The following CNTN4 variants were observed in gnomAD, a reference collection of about 807,000 sequenced individuals.
The protein encoded by CNTN4 is contactin-4.
A neutral mutation model predicts 122.5 loss-of-function variants in CNTN4; 77 were observed. The observed-to-expected ratio is 0.63, with a 90% CI of 0.52 to 0.76. The LOEUF (loss-of-function observed/expected upper bound fraction) is 0.76. Among genes scored for constraint, CNTN4 ranks in the 30% least tolerant of loss-of-function variants. The probability of loss-of-function intolerance (pLI) is 0.00; values close to 1 mark genes in which losing one functional copy is unlikely to be tolerated. For synonymous variants in CNTN4, 512 were observed against 447.0 expected, an observed-to-expected ratio of 1.15 and a Z score of -1.83; for missense variants, 1,256 against 1,259.1, an observed-to-expected ratio of 1.00 and a Z score of 0.04.
chr3:2,452,048 A>G (rs907812252), intron 3 of CNTN4, among the ~76,000 whole-genome samples: 1 of 152,200 alleles, frequency 6.6e-6, no homozygotes, highest in Non-Finnish European at 1.5e-5. Context: ...CCTGCAAATC[A>G]GGTACATGCC....
At chr3:2,620,758 G>A (rs1471987308) in intron 4 of CNTN4, among the ~76,000 whole-genome samples, 2 of 152,202 alleles carry the variant, frequency 1.3e-5, no homozygotes, top group East Asian at 3.9e-4. Context: ...ACAGAAATAT[G>A]CACATCCCTG....
chr3:2,562,032 A>G (rs2078977806), intron 3 of CNTN4, among the ~76,000 whole-genome samples: 1 of 152,132 alleles, frequency 6.6e-6, no homozygotes, highest in African/African-American at 2.4e-5. Flanking sequence ...TTGTAATAAG[A>G]CTGTAATAAC....
chr3:2,491,088 A>G (rs2076304008), intron 3 of CNTN4, among the ~76,000 whole-genome samples: 1 of 152,206 alleles, frequency 6.6e-6, no homozygotes, highest in Admixed American at 6.5e-5. Context: ...TTCAGAGCCT[A>G]AATCAATCTG....
intron 2 of CNTN4, among the ~76,000 whole-genome samples, chr3:2,324,273 A>G (rs2043373144): frequency 1.4e-5 from 1 of 69,158 alleles, no homozygotes; most frequent in African/African-American, 4.1e-5. Flanking sequence ...GAAGAATGAT[A>G]GAAGAAATAA....
intron 2 of CNTN4, among the ~76,000 whole-genome samples, chr3:2,164,205 CAAAG>C (rs983366341): frequency 2.0e-4 from 30 of 151,200 alleles, no homozygotes; most frequent in African/African-American, 6.6e-4. Context: ...AAAATTAAAA[CAAAG>C]AAGAAAGAGA....
chr3:2,921,118 G>C (rs925347444), intron 12 of CNTN4, among the ~76,000 whole-genome samples: 1 of 152,176 alleles, frequency 6.6e-6, no homozygotes, highest in Non-Finnish European at 1.5e-5. Flanking sequence ...GCTCACTGCA[G>C]CCTTGAACTC....
At chr3:2,428,064 C>T (rs1350343296) in intron 3 of CNTN4, among the ~76,000 whole-genome samples, 2 of 152,138 alleles carry the variant, frequency 1.3e-5, no homozygotes, top group Admixed American at 6.5e-5. Flanking sequence ...GCATTTAGCC[C>T]ATTTACATTT....
chr3:2,434,021 G>A (rs1445243061), intron 3 of CNTN4, among the ~76,000 whole-genome samples: 1 of 152,104 alleles, frequency 6.6e-6, no homozygotes, highest in Non-Finnish European at 1.5e-5. Context: ...TAGGGAAAGG[G>A]GAAATGTTGA....
At chr3:2,159,127 C>T (rs1465395863) in intron 2 of CNTN4, among the ~76,000 whole-genome samples, 3 of 152,106 alleles carry the variant, frequency 2.0e-5, no homozygotes, top group Non-Finnish European at 4.4e-5. Context: ...ACTCTCTTAG[C>T]ACCATACAGG....
intron 3 of CNTN4, among the ~76,000 whole-genome samples, chr3:2,397,376 GT>G (rs1209273246): frequency 6.6e-6 from 1 of 151,920 alleles, no homozygotes; most frequent in Non-Finnish European, 1.5e-5. Context: ...GTTTTCTTTG[GT>G]TCTGTCTTTA....
intron 5 of CNTN4, among the ~76,000 whole-genome samples, chr3:2,739,956 G>C (rs895209620): frequency 6.6e-6 from 1 of 152,136 alleles, no homozygotes; most frequent in Non-Finnish European, 1.5e-5. Flanking sequence ...TTTGGCATGG[G>C]GATTTTATCC....
intron 7 of CNTN4, among the ~76,000 whole-genome samples, chr3:2,825,905 A>G (rs990686404): frequency 3.9e-5 from 6 of 152,226 alleles, no homozygotes; most frequent in African/African-American, 1.4e-4. Flanking sequence ...CATCCCCACT[A>G]GAGTTGGATC....
intron 10 of CNTN4, among the ~76,000 whole-genome samples, chr3:2,897,049 C>T (rs534889717): frequency 3.3e-5 from 5 of 150,892 alleles, no homozygotes; most frequent in South Asian, 2.1e-4. Context: ...AAAATCGAAG[C>T]GCCAAATACT....
chr3:2,913,876 G>C (rs1042621181), intron 12 of CNTN4, among the ~76,000 whole-genome samples: 1 of 152,154 alleles, frequency 6.6e-6, no homozygotes, highest in Non-Finnish European at 1.5e-5. Context: ...TGCACACATG[G>C]AACAGTGTCC....
At chr3:2,357,109 A>C (rs2150505648) in intron 3 of CNTN4, among the ~76,000 whole-genome samples, 1 of 152,296 alleles carries the variant, frequency 6.6e-6, no homozygotes, top group African/African-American at 2.4e-5. Flanking sequence ...ATTCTGCCCT[A>C]GGAAGCCTGT....
chr3:2,254,919 G>C (rs1341882226), intron 2 of CNTN4, among the ~76,000 whole-genome samples: 1 of 152,170 alleles, frequency 6.6e-6, no homozygotes, highest in Non-Finnish European at 1.5e-5. Flanking sequence ...CTTGGCTTTT[G>C]TTGCCGTTGG....
intron 4 of CNTN4, among the ~76,000 whole-genome samples, chr3:2,610,582 T>C (rs13085988): frequency 0.096 from 14,674 of 152,254 alleles, 959 homozygotes; most frequent in Non-Finnish European, 0.14. Context: ...ACACTTTGTG[T>C]ATTTTGCCAT....
chr3:2,674,530 G>C (rs2084724340), intron 4 of CNTN4, among the ~76,000 whole-genome samples: 1 of 152,210 alleles, frequency 6.6e-6, no homozygotes, highest in Non-Finnish European at 1.5e-5. Flanking sequence ...GCTGAGGCAG[G>C]TGGATCACTT....
intron 3 of CNTN4, among the ~76,000 whole-genome samples, chr3:2,479,968 C>G (rs1442564688): frequency 6.6e-6 from 1 of 152,068 alleles, no homozygotes; most frequent in Non-Finnish European, 1.5e-5. Flanking sequence ...GTTCAACATT[C>G]AAATATCAAT....
Sources: gnomAD v4.1 joint callset for allele counts (sites outside exome capture counted in the v4.1 genomes callset) on GRCh38, gnomAD v4.1.1 for gene constraint, MANE v1.5 for transcripts, NCBI Gene and HGNC (gene_info 2026-07-23, HGNC 2026-07-21) for gene names.